Variants in PGCKA1 observed in about 807,000 individuals in gnomAD.
PGCKA1 encodes PDCD10 and GCKIII kinases associated 1.
the PGCKA1 span, among the ~76,000 whole-genome samples, chr4:37,592,118 A>G: frequency 6.6e-6 from 1 of 151,258 alleles, no homozygotes; most frequent in Non-Finnish European, 1.5e-5. Flanking sequence ...TGAGGCAAGG[A>G]GAATCACTTG....
the PGCKA1 span, among the ~76,000 whole-genome samples, chr4:37,507,000 C>G: frequency 2.0e-5 from 3 of 152,042 alleles, no homozygotes; most frequent in Non-Finnish European, 4.4e-5. Context: ...ACTGTATCCT[C>G]TTGCTGAGTC....
chr4:37,536,288 G>C, the PGCKA1 span, among the ~76,000 whole-genome samples: 2 of 152,166 alleles, frequency 1.3e-5, no homozygotes, highest in African/African-American at 2.4e-5. Context: ...CCTTGAAAGG[G>C]CAAGTCCAAC....
chr4:37,473,164 A>G, the PGCKA1 span, among the ~76,000 whole-genome samples: 1 of 152,204 alleles, frequency 6.6e-6, no homozygotes, highest in Non-Finnish European at 1.5e-5. Context: ...GTAACCCCAA[A>G]TTTTGGGGGA....
the PGCKA1 span, among the ~76,000 whole-genome samples, chr4:37,534,708 G>A: frequency 6.6e-6 from 1 of 152,188 alleles, no homozygotes; most frequent in Non-Finnish European, 1.5e-5. Flanking sequence ...TGTCCTTACA[G>A]GGCAGAAGGG....
the PGCKA1 span, among the ~76,000 whole-genome samples, chr4:37,526,989 G>C: frequency 2.0e-5 from 3 of 152,168 alleles, no homozygotes; most frequent in East Asian, 5.8e-4. Context: ...CCTTCCAATA[G>C]GACAAGATGT....
chr4:37,531,010 A>C, the PGCKA1 span, among the ~76,000 whole-genome samples: 137 of 152,282 alleles, frequency 9.0e-4, 1 homozygote, highest in Non-Finnish European at 1.7e-3. Context: ...GGAAAAAAAA[A>C]CTGTTTCTCT....
At chr4:37,570,564 G>A in the PGCKA1 span, among the ~76,000 whole-genome samples, 6,703 of 152,144 alleles carry the variant, frequency 0.044, 378 homozygotes, top group African/African-American at 0.13. Context: ...ACAGCTCCTG[G>A]TAGTTATTTT....
chr4:37,477,109 G>A, the PGCKA1 span, among the ~76,000 whole-genome samples: 8 of 152,318 alleles, frequency 5.3e-5, 1 homozygote, highest in South Asian at 1.7e-3. Context: ...GTTTACAGCA[G>A]CATTATTCAT....
chr4:37,513,417 A>G, the PGCKA1 span, among the ~76,000 whole-genome samples: 1 of 152,214 alleles, frequency 6.6e-6, no homozygotes, highest in Non-Finnish European at 1.5e-5. Context: ...TTTAGTTTCT[A>G]GTGAGGATTC....
At chr4:37,590,177 T>C in the PGCKA1 span, 2 of 1,614,110 alleles carry the variant, frequency 1.2e-6, no homozygotes, top group Admixed American at 3.3e-5. Flanking sequence ...ACTGATAAAT[T>C]AAAAGGCAAA....
At chr4:37,557,895 A>G in the PGCKA1 span, 1 of 152,220 alleles carries the variant, frequency 6.6e-6, no homozygotes, top group Non-Finnish European at 1.5e-5. Flanking sequence ...GTTCCAAGCC[A>G]GGAACTCCTT....
At chr4:37,502,935 T>A in the PGCKA1 span, among the ~76,000 whole-genome samples, 1 of 152,102 alleles carries the variant, frequency 6.6e-6, no homozygotes, top group Non-Finnish European at 1.5e-5. Flanking sequence ...ACTGGCCCTG[T>A]CTGATGGGCA....
chr4:37,577,451 A>G, the PGCKA1 span, among the ~76,000 whole-genome samples: 1 of 150,844 alleles, frequency 6.6e-6, no homozygotes. Context: ...ATTTATTTGG[A>G]TCTTCTCTCT....
chr4:37,578,463 TAG>T, the PGCKA1 span, among the ~76,000 whole-genome samples: 1 of 152,208 alleles, frequency 6.6e-6, no homozygotes. Context: ...GTGTTTCTAA[TAG>T]GCAACAGATC....
At chr4:37,543,221 G>T in the PGCKA1 span, among the ~76,000 whole-genome samples, 1 of 151,934 alleles carries the variant, frequency 6.6e-6, no homozygotes, top group Admixed American at 6.6e-5. Flanking sequence ...TCCATAATAG[G>T]CATCATCTTC....
At chr4:37,537,377 T>C in the PGCKA1 span, among the ~76,000 whole-genome samples, 1 of 152,350 alleles carries the variant, frequency 6.6e-6, no homozygotes, top group South Asian at 2.1e-4. Context: ...GCTGTCAATA[T>C]GTTAAAGTAG....
chr4:37,530,315 T>C, the PGCKA1 span, among the ~76,000 whole-genome samples: 1 of 152,212 alleles, frequency 6.6e-6, no homozygotes, highest in African/African-American at 2.4e-5. Context: ...CTCACACCTG[T>C]AATCTCAGGA....
At chr4:37,526,940 A>G in the PGCKA1 span, among the ~76,000 whole-genome samples, 1 of 152,212 alleles carries the variant, frequency 6.6e-6, no homozygotes, top group Non-Finnish European at 1.5e-5. Context: ...TTGTTATCAT[A>G]CAAGATGATA....
At chr4:37,571,355 C>CTTTTTTT in the PGCKA1 span, among the ~76,000 whole-genome samples, 9 of 78,076 alleles carry the variant, frequency 1.2e-4, no homozygotes, top group Admixed American at 5.3e-4. Context: ...GACTATTATC[C>CTTTTTTT]TTTTTTTTTT....
Sources: allele counts gnomAD v4.1 joint callset (sites outside exome capture counted in the v4.1 genomes callset), GRCh38; gene constraint gnomAD v4.1.1; transcripts MANE v1.5; gene names NCBI Gene and HGNC (gene_info 2026-07-23, HGNC 2026-07-21).